TLE4: variants seen among roughly 807,000 people sequenced by gnomAD.
TLE4 encodes the protein TLE family member 4, transcriptional corepressor.
Under a neutral mutation model 92.8 loss-of-function variants are expected in TLE4, and 8 were observed. The observed-to-expected ratio is 0.09, with a 90% CI of 0.05 to 0.16. TLE4 has a LOEUF of 0.16. TLE4 is among the 10% of genes least tolerant of loss of function. The pLI is 1.00. For missense variants in TLE4, 675 were observed against 997.6 expected (o/e 0.68, Z 4.36); for synonymous variants, 371 against 374.1 (o/e 0.99, Z 0.10).
At chr9:79,712,775 C>T (rs1367097222) in intron 14 of TLE4, among the ~76,000 whole-genome samples, 1 of 152,188 alleles carries the variant, frequency 6.6e-6, no homozygotes, top group Non-Finnish European at 1.5e-5. Flanking sequence ...AAAAATGGCC[C>T]TTCTCCTTCA....
At chr9:79,643,083 T>A (rs2057470751) in intron 6 of TLE4, among the ~76,000 whole-genome samples, 1 of 152,210 alleles carries the variant, frequency 6.6e-6, no homozygotes, top group South Asian at 2.1e-4. Flanking sequence ...TAGAGATATT[T>A]GTTAAAGTAA....
At chr9:79,617,962 T>G (rs1276216034) in intron 5 of TLE4, among the ~76,000 whole-genome samples, 1 of 152,244 alleles carries the variant, frequency 6.6e-6, no homozygotes, top group African/African-American at 2.4e-5. Context: ...TTCATCATCC[T>G]TGCACCATTG....
At chr9:79,663,267 A>T (rs1405224818) in intron 8 of TLE4, among the ~76,000 whole-genome samples, 1 of 152,242 alleles carries the variant, frequency 6.6e-6, no homozygotes, top group Non-Finnish European at 1.5e-5. Context: ...TTTTAAAAAC[A>T]TAGATAGTTG....
chr9:79,601,237 C>A (rs2045573911), intron 4 of TLE4, among the ~76,000 whole-genome samples: 1 of 152,124 alleles, frequency 6.6e-6, no homozygotes, highest in Non-Finnish European at 1.5e-5. Flanking sequence ...ATTTATTATT[C>A]TTTTGAATAG....
At chr9:79,589,376 G>A (rs924930364) in intron 4 of TLE4, among the ~76,000 whole-genome samples, 27 of 151,900 alleles carry the variant, frequency 1.8e-4, no homozygotes, top group African/African-American at 6.5e-4. Context: ...GTTAAGTTCT[G>A]AATAGAGATA....
chr9:79,655,742 C>T (rs78419275), intron 8 of TLE4, among the ~76,000 whole-genome samples: 3,611 of 152,258 alleles, frequency 0.024, 146 homozygotes, highest in African/African-American at 0.081. Context: ...TTAACTGATA[C>T]CAGCCTTTGA....
intron 14 of TLE4, among the ~76,000 whole-genome samples, chr9:79,710,660 G>T (rs1194991680): frequency 1.3e-5 from 2 of 152,120 alleles, no homozygotes; most frequent in African/African-American, 2.4e-5. Context: ...AACTTTCTGT[G>T]GCTTAGTGTC....
At position 79,592,275 on chromosome 9, in the gene TLE4, C is replaced by CT. The variant is rs1170642342; in HGVS notation, c.252+16115dup. ...TTCTTTCTTCTTTCTTCTTCTTCTT[C>CT]TTTTTTTTTTTTTTTTTGGAGGCAG... On this transcript the variant is annotated intron_variant, in intron 4 of 19. Transcript: ENST00000376552. Among the ~76,000 whole-genome samples, 951 of 106,916 alleles carry CT rather than the reference C, an allele frequency of 8.9e-3. 10 individuals are homozygous for CT. The highest frequency in any genetic ancestry group is 0.012 in the African/African-American group (340 of 29,096). 70.1% of individuals were successfully genotyped at this position (106,916 alleles called of 152,430 possible). A position where few individuals can be genotyped will look rare whatever the true frequency, so the allele number is the denominator to read the frequency against.
intron 5 of TLE4, among the ~76,000 whole-genome samples, chr9:79,620,461 G>T (rs1394552699): frequency 1.3e-5 from 2 of 152,200 alleles, no homozygotes; most frequent in Admixed American, 1.3e-4. Flanking sequence ...ATGTAAGTGA[G>T]AGTGGAGAAG....
chr9:79,630,727 G>A (rs1277784324), intron 6 of TLE4, among the ~76,000 whole-genome samples: 1 of 152,132 alleles, frequency 6.6e-6, no homozygotes, highest in Admixed American at 6.5e-5. Flanking sequence ...ATTAAATTGA[G>A]TCACCTGACT....
chr9:79,665,259 A>G (rs752254866), intron 8 of TLE4, among the ~76,000 whole-genome samples: 4 of 152,232 alleles, frequency 2.6e-5, no homozygotes, highest in Non-Finnish European at 4.4e-5. Context: ...ATGAACTTGC[A>G]GTCCAAATAA....
chr9:79,652,504 T>C, intron 6 of TLE4, 89 bp from the exon 7 acceptor site: 1 of 1,486,964 alleles, frequency 6.7e-7, no homozygotes, highest in Non-Finnish European at 9.3e-7. Flanking sequence ...GCTTTTTTAC[T>C]GCCGATTTAT....
At chr9:79,589,439 C>T (rs1216218474) in intron 4 of TLE4, among the ~76,000 whole-genome samples, 4 of 151,972 alleles carry the variant, frequency 2.6e-5, no homozygotes, top group Non-Finnish European at 4.4e-5. Context: ...CGTGATAAAC[C>T]TTCTCGGTGG....
At chr9:79,723,145 A>G (rs1159720483) in intron 19 of TLE4, 110 bp downstream of exon 19, 4 of 1,007,824 alleles carry the variant, frequency 4.0e-6, no homozygotes, top group Non-Finnish European at 6.0e-6. Context: ...AGCTAGTATT[A>G]TGCACATTGT....
intron 16 of TLE4, among the ~76,000 whole-genome samples, chr9:79,720,534 A>G (rs1296434409): frequency 6.6e-6 from 1 of 152,140 alleles, no homozygotes; most frequent in Non-Finnish European, 1.5e-5. Flanking sequence ...CTTGAACTTC[A>G]TAAAATGAGG....
intron 8 of TLE4, among the ~76,000 whole-genome samples, chr9:79,681,854 GTGTGTGTGTA>G (rs1243620835): frequency 1.3e-3 from 185 of 146,322 alleles, no homozygotes; most frequent in African/African-American, 4.3e-3. Context: ...GTGTGTGTGT[GTGTGTGTGTA>G]TGTGTGTGTG....
intron 8 of TLE4, among the ~76,000 whole-genome samples, chr9:79,684,415 C>A (rs941245367): frequency 1.3e-5 from 2 of 151,964 alleles, no homozygotes; most frequent in African/African-American, 4.8e-5. Context: ...CCTCCTGTCA[C>A]ATCAGCAGTG....
chr9:79,650,162 C>T (rs1314416543), intron 6 of TLE4, among the ~76,000 whole-genome samples: 11 of 152,002 alleles, frequency 7.2e-5, no homozygotes, highest in Non-Finnish European at 1.6e-4. Flanking sequence ...GTGATCTGAC[C>T]GCCTCAACTT....
chr9:79,688,312 T>A (rs1025536206), intron 8 of TLE4, among the ~76,000 whole-genome samples: 1 of 152,148 alleles, frequency 6.6e-6, no homozygotes, highest in Non-Finnish European at 1.5e-5. Context: ...TGTGACTGTT[T>A]CCCTTGGTTA....
Sources: gnomAD v4.1 joint callset for allele counts (sites outside exome capture counted in the v4.1 genomes callset) on GRCh38, gnomAD v4.1.1 for gene constraint, MANE v1.5 for transcripts, NCBI Gene and HGNC (gene_info 2026-07-23, HGNC 2026-07-21) for gene names.